The following CAMK2G variants were observed in gnomAD, a reference collection of about 807,000 sequenced individuals.
The protein encoded by CAMK2G is calcium/calmodulin dependent protein kinase II gamma.
Under a neutral mutation model 88.7 loss-of-function variants are expected in CAMK2G, and 23 were observed. The ratio of observed to expected loss-of-function variants is 0.26; its 90% CI spans 0.19 to 0.37. The LOEUF is 0.37. CAMK2G is among the 10% of genes least tolerant of loss of function. The probability of loss-of-function intolerance (pLI) is 1.00; values close to 1 mark genes in which losing one functional copy is unlikely to be tolerated. For missense variants in CAMK2G, 476 were observed against 780.8 expected, an observed-to-expected ratio of 0.61 and a Z score of 4.65; for synonymous variants, 263 against 294.8, an observed-to-expected ratio of 0.89 and a Z score of 1.11.
chr10:73,847,973 C>A lies in CAMK2G; in HGVS notation c.696+15G>T. The A allele has an allele frequency of 1.3e-6, 2 of 1,541,948 alleles. No individual in the cohort carries two copies. The highest frequency in any genetic ancestry group is 1.8e-6 in the Non-Finnish European group (2 of 1,114,940). ...TGCCCTTCCTGGCCTGGCTGCCCGG[C>A]TCTCTGGTCCTTACATCATAGGCTC... On this transcript the variant is annotated intron_variant, in intron 9 of 22. Coordinates refer to ENST00000423381, the MANE Select transcript of CAMK2G (RefSeq NM_001367534.1).
At chr10:73,823,388 T>C (rs191269541) in intron 17 of CAMK2G, among the ~76,000 whole-genome samples, 3 of 152,194 alleles carry the variant, frequency 2.0e-5, no homozygotes, top group African/African-American at 7.2e-5. Context: ...CCTACTTTTT[T>C]GTATTTTAGT....
intron 6 of CAMK2G, 38 bp downstream of exon 6, chr10:73,849,223 T>G: frequency 6.3e-7 from 1 of 1,594,726 alleles, no homozygotes; most frequent in Non-Finnish European, 8.6e-7. Context: ...GCGCCAACAC[T>G]TCATGAGCAG....
intron 3 of CAMK2G, among the ~76,000 whole-genome samples, chr10:73,854,453 C>T (rs2094876962): frequency 6.6e-6 from 1 of 152,232 alleles, no homozygotes; most frequent in Admixed American, 6.5e-5. Context: ...GCTGACTGTC[C>T]TGTCCCTCCC....
chr10:73,874,370 CA>C, intron 1 of CAMK2G, 26 bp downstream of exon 1: 2 of 1,455,348 alleles, frequency 1.4e-6, no homozygotes, highest in Non-Finnish European at 1.8e-6. Context: ...GCAGGGCAGG[CA>C]GGGGACCGCG....
intron 2 of CAMK2G, among the ~76,000 whole-genome samples, chr10:73,872,610 A>G (rs912245731): frequency 6.6e-6 from 1 of 152,176 alleles, no homozygotes; most frequent in African/African-American, 2.4e-5. Context: ...CCACTGGGGC[A>G]CAGGGACCAG....
At chr10:73,855,340 T>C (rs768407653) in intron 3 of CAMK2G, among the ~76,000 whole-genome samples, 1 of 152,222 alleles carries the variant, frequency 6.6e-6, no homozygotes, top group African/African-American at 2.4e-5. Flanking sequence ...AATAATCCCC[T>C]GGAAATCAGC....
intron 14 of CAMK2G, among the ~76,000 whole-genome samples, chr10:73,831,680 G>A (rs1368802394): frequency 6.7e-6 from 1 of 149,402 alleles, no homozygotes; most frequent in Non-Finnish European, 1.5e-5. Context: ...GACTAGCCTG[G>A]GCAACCCCGT....
intron 4 of CAMK2G, chr10:73,852,591 C>G (rs1283339041): frequency 2.2e-6 from 1 of 462,106 alleles, no homozygotes; most frequent in African/African-American, 2.0e-5. Flanking sequence ...ATACAGGGAT[C>G]TAAGAGAAAA....
intron 21 of CAMK2G, 31 bp downstream of exon 21, chr10:73,816,992 A>C: frequency 2.5e-6 from 4 of 1,614,116 alleles, no homozygotes; most frequent in African/African-American, 2.7e-5. Context: ...AGGGGCAGGC[A>C]GGAGTATATC....
Position 73,824,368 on chromosome 10 carries a change from T to C in CAMK2G, c.1156-284A>G, listed in dbSNP as rs569518461. On this transcript the variant is annotated intron_variant, in intron 16 of 22. Transcript: ENST00000423381. Reference sequence around the variant, plus strand: ...CAAGGGCCTCTGTCCCTGATTCCTGTCAGTTCTGAGGGCTCTTTCCACATG... The same window carrying C: ...CAAGGGCCTCTGTCCCTGATTCCTGCCAGTTCTGAGGGCTCTTTCCACATG... Among the ~76,000 whole-genome samples, 144 of 152,124 alleles carry C rather than the reference T, an allele frequency of 9.5e-4. 1 individual carries two copies. The highest frequency in any genetic ancestry group is 1.4e-3 in the Admixed American group (21 of 15,276).
intron 14 of CAMK2G, among the ~76,000 whole-genome samples, chr10:73,831,979 G>A (rs1265250203): frequency 6.6e-6 from 1 of 151,208 alleles, no homozygotes; most frequent in Admixed American, 6.6e-5. Flanking sequence ...TGAACCTCCT[G>A]GGCTCAAGCA....
rs2094445800 is a variant in CAMK2G at position 73,849,033 on chromosome 10, C to T, written c.497G>A (p.Gly166Glu). The T allele has an allele frequency of 1.2e-6, 2 of 1,612,246 alleles. No individual in the cohort carries two copies. The highest frequency in any genetic ancestry group is 1.7e-6 in the Non-Finnish European group (2 of 1,178,316). ...CTTACCAAACCAAGCCTGCTGCTCT[C>T]CCTGTACTTCGATGGCTAGGCCAAA... ...ADFGLAIEVQ[G>E]EQQAWFGFAG... Residue 166 changes from glycine to glutamate, a missense_variant, in exon 7 of 23, where the codon GGA becomes GAA. Physicochemically the swap from Gly to Glu is moderately conservative, Grantham distance 98 (BLOSUM62 -2). This residue lies in a region of CAMK2G where 164 missense variants were observed against 385.6 expected (regional missense o/e 0.43). Coordinates refer to ENST00000423381, the MANE Select transcript of CAMK2G (RefSeq NM_001367534.1).
intron 1 of CAMK2G, 36 bp from the exon 2 acceptor site, chr10:73,873,119 G>T: frequency 7.1e-7 from 1 of 1,401,390 alleles, no homozygotes; most frequent in Non-Finnish European, 1.0e-6. Flanking sequence ...GGGACACGGA[G>T]CAGGGCAGAG....
intron 20 of CAMK2G, 112 bp from the exon 21 acceptor site, chr10:73,817,229 A>G (rs2085939943): frequency 3.5e-6 from 5 of 1,426,078 alleles, no homozygotes; most frequent in East Asian, 2.4e-5. Flanking sequence ...GCCATGCCAG[A>G]CAAGACAGCA....
Position 73,848,973 on chromosome 10 carries a change from G to T in CAMK2G, c.517+40C>A. On this transcript the variant is annotated intron_variant, in intron 7 of 22. Transcript: ENST00000423381. This position sits in a 1 kb window ranked among gnomAD's most constrained non-coding sequence, Gnocchi z 4.5. ...GAAGGCAGATCAGGAAGAGGAGGAA[G>T]GGCGGGGGCTGCATTCCGGGAAGAC... 8.1e-7 allele frequency: 1 copy of T among 1,240,078 alleles called. No homozygotes were observed. Among genetic ancestry groups the T allele is most frequent in the Non-Finnish European group, 1.2e-6 (1 of 838,460 alleles). 76.8% of individuals were successfully genotyped at this position (1,240,078 alleles called of 1,614,324 possible).
intron 5 of CAMK2G, 71 bp downstream of exon 5, chr10:73,852,183 C>T (rs979257037): frequency 2.8e-5 from 32 of 1,161,536 alleles, no homozygotes; most frequent in African/African-American, 1.8e-4. Context: ...TGCTGGACCC[C>T]GAAGGTGGCC....
At chr10:73,837,847 A>G (rs2242257) in intron 13 of CAMK2G, among the ~76,000 whole-genome samples, 51,323 of 152,060 alleles carry the variant, frequency 0.34, 9,761 homozygotes, top group East Asian at 0.63. Context: ...GCAGAGTGCC[A>G]GGGTGAAAGA....
Position 73,839,697 on chromosome 10 carries a change from G to A in CAMK2G, c.947-96C>T, listed in dbSNP as rs867250946. ...CAGCGCGAGGCGCAGCCCAGGCGGC[G>A]TGGCCAAGCCAGCCGAGCTGGGGGA... is the stretch of plus-strand genomic sequence containing the variant. On this transcript the variant is annotated intron_variant, in intron 12 of 22. Transcript: ENST00000423381. The surrounding 1 kb of genome is among the most constrained non-coding windows in gnomAD (Gnocchi z 4.2). 1.2e-5 allele frequency: 9 copies of A among 759,742 alleles called. No individual in the cohort carries two copies. Among genetic ancestry groups the A allele is most frequent in the Admixed American group, 8.7e-5 (2 of 23,034 alleles). The allele number at this position is 759,742 out of a possible 1,614,324, so 47.1% of individuals were successfully genotyped here.
At position 73,848,405 on chromosome 10, in the gene CAMK2G, A is replaced by G; in HGVS notation, c.601+121T>C. ...AACAGCCATCCCAGGGGCAAACACC[A>G]TAATTTCACATACACCAGGCACGTG... On this transcript the variant is annotated intron_variant, in intron 8 of 22. Coordinates refer to ENST00000423381, the MANE Select transcript of CAMK2G (RefSeq NM_001367534.1). The surrounding 1 kb of genome is among the most constrained non-coding windows in gnomAD (Gnocchi z 4.5). 1 of 732,786 alleles carries G rather than the reference A, an allele frequency of 1.4e-6. No individual in the cohort carries two copies. The allele number at this position is 732,786 out of a possible 1,614,324, so 45.4% of individuals were successfully genotyped here.
Sources: allele counts gnomAD v4.1 joint callset (sites outside exome capture counted in the v4.1 genomes callset), GRCh38; gene constraint gnomAD v4.1.1; regional missense constraint gnomAD v4.1.1; non-coding constraint Gnocchi (gnomAD v3.1); transcripts MANE v1.5; gene names NCBI Gene and HGNC (gene_info 2026-07-23, HGNC 2026-07-21).